Variants in PTPRB observed in about 807,000 individuals in gnomAD.
The protein encoded by PTPRB is receptor-type tyrosine-protein phosphatase beta.
In PTPRB, 97 loss-of-function variants were observed where a neutral mutation model predicts 238.1. The observed-to-expected ratio is 0.41, with a 90% confidence interval of 0.35 to 0.48. The LOEUF (loss-of-function observed/expected upper bound fraction) is 0.48. Ranked by LOEUF, PTPRB falls within the 20% of genes least tolerant of loss-of-function variation. PTPRB has a pLI of 0.30. For synonymous variants in PTPRB, 970 were observed against 995.4 expected (o/e 0.97, Z 0.48); for missense variants, 2,292 against 2,681.9 (o/e 0.85, Z 3.21).
At chr12:70,631,813 A>G (rs1885466927) in intron 2 of PTPRB, among the ~76,000 whole-genome samples, 1 of 152,254 alleles carries the variant, frequency 6.6e-6, no homozygotes, top group Non-Finnish European at 1.5e-5. Context: ...TATGCAGCCA[A>G]CAGACACATG....
chr12:70,527,576 T>G (rs1326743583), intron 32 of PTPRB: 5 of 152,208 alleles, frequency 3.3e-5, no homozygotes, highest in African/African-American at 1.2e-4. Context: ...TATTGCTCCC[T>G]TAATGTGTCT....
intron 8 of PTPRB, among the ~76,000 whole-genome samples, chr12:70,588,902 G>A (rs1000029166): frequency 4.6e-5 from 7 of 152,036 alleles, no homozygotes; most frequent in Non-Finnish European, 8.8e-5. Context: ...GCAGCGAGCC[G>A]AGATTGTACC....
intron 8 of PTPRB, among the ~76,000 whole-genome samples, chr12:70,589,275 A>C (rs1337556343): frequency 5.3e-5 from 8 of 152,182 alleles, no homozygotes; most frequent in Non-Finnish European, 7.4e-5. Flanking sequence ...GAATCCATGT[A>C]GTTATTTCCC....
At chr12:70,539,135 C>A in intron 26 of PTPRB, 121 bp from the exon 27 acceptor site, 1 of 792,388 alleles carries the variant, frequency 1.3e-6, no homozygotes, top group Non-Finnish European at 2.1e-6. Flanking sequence ...TTATGAATGC[C>A]TAGTACTCAA....
chr12:70,583,721 A>T (rs1157643351), intron 9 of PTPRB, among the ~76,000 whole-genome samples: 1 of 152,170 alleles, frequency 6.6e-6, no homozygotes, highest in Non-Finnish European at 1.5e-5. Context: ...CCAGGTGATC[A>T]AAGAACCTAA....
chr12:70,552,628 A>G (rs1592454541), intron 21 of PTPRB, 149 bp downstream of exon 21: 8 of 1,039,704 alleles, frequency 7.7e-6, no homozygotes, highest in East Asian at 2.6e-5. Flanking sequence ...CAGGAATCCA[A>G]CGTTTATAAA....
intron 11 of PTPRB, among the ~76,000 whole-genome samples, chr12:70,575,263 C>T (rs1019805584): frequency 5.3e-5 from 8 of 152,144 alleles, no homozygotes; most frequent in African/African-American, 1.4e-4. Flanking sequence ...CCTTTATATC[C>T]AAATGAGGAA....
At chr12:70,522,721 AAAT>A (rs1247516231) in intron 33 of PTPRB, 3 of 152,150 alleles carry the variant, frequency 2.0e-5, no homozygotes, top group East Asian at 1.9e-4. Context: ...ATAGAAGGAA[AAAT>A]AATAATTTTT....
intron 2 of PTPRB, among the ~76,000 whole-genome samples, chr12:70,626,684 A>G (rs918572525): frequency 2.6e-5 from 4 of 152,062 alleles, no homozygotes; most frequent in African/African-American, 9.7e-5. Context: ...ATCTTTTTAT[A>G]TAAGGAATTT....
intron 15 of PTPRB, among the ~76,000 whole-genome samples, chr12:70,563,924 C>T (rs985024995): frequency 2.0e-5 from 3 of 152,168 alleles, no homozygotes; most frequent in Admixed American, 6.5e-5. Context: ...TTCACCAGGG[C>T]CCCTGCATTC....
chr12:70,566,813 CT>C, intron 14 of PTPRB, 109 bp from the exon 15 acceptor site: 1 of 1,215,982 alleles, frequency 8.2e-7, no homozygotes, highest in Admixed American at 2.1e-5. Context: ...GATGCATTTG[CT>C]TTATTTGTGT....
intron 14 of PTPRB, 99 bp from the exon 15 acceptor site, chr12:70,566,803 G>C: frequency 1.6e-6 from 2 of 1,280,848 alleles, no homozygotes; most frequent in Non-Finnish European, 2.2e-6. Context: ...GGTAGAAGAT[G>C]ATGCATTTGC....
intron 4 of PTPRB, among the ~76,000 whole-genome samples, chr12:70,607,350 A>G (rs1209125766): frequency 6.6e-6 from 1 of 152,160 alleles, no homozygotes; most frequent in Non-Finnish European, 1.5e-5. Context: ...CACAATTAAC[A>G]CATCTGTAAG....
chr12:70,538,862 T>C lies in PTPRB; in HGVS notation c.5869+62A>G, dbSNP rs1040034681. ...TATTTCTTTAGCCTCATTTCATTTT[T>C]GGAGAAAAATGCAGAAATGGCTAGA... On this transcript the variant is annotated intron_variant, in intron 27 of 33. Coordinates refer to ENST00000334414, the MANE Select transcript of PTPRB (RefSeq NM_001109754.4). 27 of 1,333,130 alleles carry C rather than the reference T, an allele frequency of 2.0e-5. No homozygotes were observed. In the East Asian group the frequency reaches 5.2e-4, roughly 26 times the overall value. 82.6% of individuals were successfully genotyped at this position (1,333,130 alleles called of 1,614,324 possible). A position where few individuals can be genotyped will look rare whatever the true frequency, so the allele number is the denominator to read the frequency against.
intron 2 of PTPRB, among the ~76,000 whole-genome samples, chr12:70,626,757 A>G (rs1885223261): frequency 6.6e-6 from 1 of 151,940 alleles, no homozygotes; most frequent in Admixed American, 6.6e-5. Context: ...TTACTGAAGG[A>G]TGACTGTACA....
chr12:70,622,794 A>C (rs2136580872), intron 2 of PTPRB, 148 bp from the exon 3 acceptor site: 1 of 946,446 alleles, frequency 1.1e-6, no homozygotes, highest in African/African-American at 1.7e-5. Context: ...ATATACTTTG[A>C]GTGTGTGACA....
chr12:70,583,068 G>A (rs903447716), intron 9 of PTPRB, among the ~76,000 whole-genome samples: 1 of 152,132 alleles, frequency 6.6e-6, no homozygotes, highest in Non-Finnish European at 1.5e-5. Context: ...TGTACTACAT[G>A]CTGAGAACAC....
chr12:70,544,735 A>C, intron 21 of PTPRB, 72 bp from the exon 22 acceptor site: 1 of 1,042,348 alleles, frequency 9.6e-7, no homozygotes, highest in Non-Finnish European at 1.4e-6. Context: ...GTGTTCAAGG[A>C]GAAATAGGGC....
intron 14 of PTPRB, among the ~76,000 whole-genome samples, chr12:70,567,423 C>T (rs1879445806): frequency 6.6e-6 from 1 of 152,150 alleles, no homozygotes; most frequent in South Asian, 2.1e-4. Context: ...CATCTCCCTC[C>T]CCCAATATTC....
Sources: allele counts gnomAD v4.1 joint callset (sites outside exome capture counted in the v4.1 genomes callset), GRCh38; gene constraint gnomAD v4.1.1; transcripts MANE v1.5; gene names NCBI Gene and HGNC (gene_info 2026-07-23, HGNC 2026-07-21).